Variants in DDAH1 observed in about 807,000 individuals in gnomAD.
DDAH1 encodes the protein dimethylarginine dimethylaminohydrolase 1, also known as N(G),N(G)-dimethylarginine dimethylaminohydrolase 1.
In DDAH1, 19 loss-of-function variants were observed where a neutral mutation model predicts 28.8. That is an observed-to-expected ratio of 0.66 (90% CI 0.46 to 0.97). The LOEUF is 0.97. Among genes scored for constraint, DDAH1 ranks in the 50% least tolerant of loss-of-function variants. The pLI is 0.00. For synonymous variants in DDAH1, 153 were observed against 154.4 expected (o/e 0.99, Z 0.07); for missense variants, 326 against 375.9 (o/e 0.87, Z 1.10).
chr1:85,476,644 A>G (rs1655814308), intron 2 of DDAH1, among the ~76,000 whole-genome samples: 1 of 152,172 alleles, frequency 6.6e-6, no homozygotes, highest in African/African-American at 2.4e-5. Context: ...GGCTATGCAC[A>G]TAGCTAGCAT....
At chr1:85,455,710 G>C (rs1434405035) in intron 1 of DDAH1, among the ~76,000 whole-genome samples, 3 of 152,200 alleles carry the variant, frequency 2.0e-5, no homozygotes, top group African/African-American at 7.2e-5. Context: ...AGACACTGAG[G>C]AAAGTGATGT....
chr1:85,365,504 C>T (rs1298574905), intron 1 of DDAH1, among the ~76,000 whole-genome samples: 1 of 152,168 alleles, frequency 6.6e-6, no homozygotes, highest in Non-Finnish European at 1.5e-5. Flanking sequence ...TTGGGAGCCA[C>T]TACTTTCTCA....
At chr1:85,366,760 G>C (rs1650097339) in intron 1 of DDAH1, among the ~76,000 whole-genome samples, 1 of 152,142 alleles carries the variant, frequency 6.6e-6, no homozygotes, top group African/African-American at 2.4e-5. Context: ...AAAAACTCCA[G>C]AAAGATGGGA....
intron 1 of DDAH1, among the ~76,000 whole-genome samples, chr1:85,551,148 G>A (rs2100794754): frequency 6.6e-6 from 1 of 152,324 alleles, no homozygotes; most frequent in Admixed American, 6.5e-5. Context: ...ATGAATGTCA[G>A]GCTTTCAGAA....
chr1:85,361,205 A>C (rs1649778622), intron 1 of DDAH1, among the ~76,000 whole-genome samples: 1 of 152,198 alleles, frequency 6.6e-6, no homozygotes, highest in Non-Finnish European at 1.5e-5. Flanking sequence ...ACTCAGCTGC[A>C]AACAGGCCTG....
At chr1:85,386,624 T>A (rs1303719711) in intron 1 of DDAH1, among the ~76,000 whole-genome samples, 2 of 152,190 alleles carry the variant, frequency 1.3e-5, no homozygotes, top group African/African-American at 2.4e-5. Context: ...TACATGCTGC[T>A]GGTGGGTCTA....
intron 2 of DDAH1, among the ~76,000 whole-genome samples, chr1:85,491,048 T>C (rs941742254): frequency 0.36 from 19,863 of 55,858 alleles, 1,983 homozygotes; most frequent in East Asian, 0.52. Flanking sequence ...CATGTATTCT[T>C]TTTTTTTTTT....
At chr1:85,364,919 T>C (rs779021853) in intron 1 of DDAH1, among the ~76,000 whole-genome samples, 1 of 152,116 alleles carries the variant, frequency 6.6e-6, no homozygotes, top group East Asian at 1.9e-4. Flanking sequence ...TACTCAATGA[T>C]CCGGTCTTAA....
intron 2 of DDAH1, among the ~76,000 whole-genome samples, chr1:85,478,632 GA>G (rs1386718471): frequency 6.6e-6 from 1 of 152,154 alleles, no homozygotes; most frequent in Non-Finnish European, 1.5e-5. Context: ...GGGATTATGG[GA>G]ACTAAAATTC....
At chr1:85,357,921 T>A (rs1649574044) in intron 2 of DDAH1, among the ~76,000 whole-genome samples, 1 of 152,224 alleles carries the variant, frequency 6.6e-6, no homozygotes, top group Admixed American at 6.5e-5. Context: ...TCCAGTAAGA[T>A]CAATAATAAT....
chr1:85,545,362 G>A (rs1486066033), intron 1 of DDAH1, among the ~76,000 whole-genome samples: 1 of 152,214 alleles, frequency 6.6e-6, no homozygotes, highest in African/African-American at 2.4e-5. Flanking sequence ...AGGCACAGCA[G>A]AGGTGATAAG....
At chr1:85,402,372 T>C (rs1008146482) in intron 1 of DDAH1, among the ~76,000 whole-genome samples, 7 of 152,090 alleles carry the variant, frequency 4.6e-5, no homozygotes, top group African/African-American at 1.4e-4. Context: ...TGTGAATGCT[T>C]TTCTTCAAGC....
At chr1:85,557,335 G>A (rs1659001198) in intron 1 of DDAH1, among the ~76,000 whole-genome samples, 1 of 152,140 alleles carries the variant, frequency 6.6e-6, no homozygotes, top group Non-Finnish European at 1.5e-5. Context: ...GTATGGCTAT[G>A]TGACATGCAC....
intron 1 of DDAH1, among the ~76,000 whole-genome samples, chr1:85,393,322 A>AT (rs1456507956): frequency 6.6e-6 from 1 of 152,182 alleles, no homozygotes; most frequent in Non-Finnish European, 1.5e-5. Flanking sequence ...CTCCCTCAAA[A>AT]TAAAAAACAA....
At chr1:85,441,080 C>T (rs144937281) in intron 1 of DDAH1, among the ~76,000 whole-genome samples, 126 of 152,326 alleles carry the variant, frequency 8.3e-4, no homozygotes, top group Admixed American at 3.5e-3. Context: ...TCACTATCCT[C>T]GGTGAAGGCT....
chr1:85,338,565 C>T (rs955674951), intron 4 of DDAH1, among the ~76,000 whole-genome samples: 2 of 152,210 alleles, frequency 1.3e-5, no homozygotes, highest in Non-Finnish European at 2.9e-5. Context: ...GAACTCCAGA[C>T]GCAGCCAGTG....
intron 1 of DDAH1, chr1:85,447,787 CTCA>C (rs1435625127): frequency 6.6e-6 from 1 of 152,180 alleles, no homozygotes; most frequent in African/African-American, 2.4e-5. Flanking sequence ...TCTGAATTTC[CTCA>C]TCAACAGGCT....
chr1:85,495,218 C>T (rs1451420614), intron 2 of DDAH1: 2 of 148,882 alleles, frequency 1.3e-5, no homozygotes, highest in African/African-American at 2.5e-5. Context: ...TTTTCAGGGT[C>T]TCCTCTTTCA....
intron 1 of DDAH1, among the ~76,000 whole-genome samples, chr1:85,386,496 T>C (rs982865035): frequency 2.0e-5 from 3 of 152,194 alleles, no homozygotes; most frequent in Non-Finnish European, 4.4e-5. Context: ...AGCACACCGG[T>C]GCAAGGGGTG....
Sources: allele counts gnomAD v4.1 joint callset (sites outside exome capture counted in the v4.1 genomes callset), GRCh38; gene constraint gnomAD v4.1.1; transcripts MANE v1.5; gene names NCBI Gene and HGNC (gene_info 2026-07-23, HGNC 2026-07-21).